The following DSP variants were observed in gnomAD, a reference collection of about 807,000 sequenced individuals.
DSP encodes 250/210 kDa paraneoplastic pemphigus antigen.
In DSP, 114 loss-of-function variants were observed where a neutral mutation model predicts 290.6. That is an observed-to-expected ratio of 0.39 (90% CI 0.34 to 0.46). The LOEUF (loss-of-function observed/expected upper bound fraction) is 0.46, where lower values mean the gene tolerates loss of function less well. Among genes scored for constraint, DSP ranks in the 20% least tolerant of loss-of-function variants. The pLI is 0.99. For synonymous variants in DSP, 1,311 were observed against 1,316.4 expected, an observed-to-expected ratio of 1.00 and a Z score of 0.09; for missense variants, 3,230 against 3,495.8, an observed-to-expected ratio of 0.92 and a Z score of 1.92.
chr6:7,547,993 G>C (rs1168774433), intron 1 of DSP, among the ~76,000 whole-genome samples: 13 of 152,090 alleles, frequency 8.5e-5, no homozygotes, highest in Non-Finnish European at 1.5e-5. Flanking sequence ...ATTTCTGCCG[G>C]GCGCGGTGGC....
chr6:7,581,586 G>T lies in DSP; in HGVS notation c.5379+17G>T, dbSNP rs1581819297. The T allele has an allele frequency of 1.2e-6, 2 of 1,611,108 alleles. No homozygotes were observed. The highest frequency in any genetic ancestry group is 2.2e-5 in the South Asian group (2 of 90,876). ...GCTTTAGAGGTATTCACAAATACTT[G>T]ATCACAGCTTCACTGTTTCTCAAAT... On this transcript the variant is annotated intron_variant, in intron 23 of 23. Coordinates refer to ENST00000379802, the MANE Select transcript of DSP (RefSeq NM_004415.4).
In DSP at chr6:7,569,185, G is replaced by T. The variant is rs1060500609; in HGVS notation, c.1420-1G>T. 6.2e-7 allele frequency: 1 copy of T among 1,614,188 alleles called. No individual in the cohort carries two copies. ...AAACCCTGGGGTTGCTTGCCTTACA[G>T]AAAATCGTGCATAAGGGGGATGAGT... On this transcript the variant is annotated splice_acceptor_variant, in intron 11 of 23. Transcript: ENST00000379802. LOFTEE classifies it high-confidence loss of function.
In DSP at chr6:7,555,592, G is replaced by A. The variant is rs541101158; in HGVS notation, c.171-126G>A. On this transcript the variant is annotated intron_variant, in intron 1 of 23. Coordinates refer to ENST00000379802, the MANE Select transcript of DSP (RefSeq NM_004415.4). ...AAACACAACAAAATGTTAACAATTG[G>A]GATTCCGGGTAAAGGGTCTCACAGG... 31 of 749,818 alleles carry A rather than the reference G, an allele frequency of 4.1e-5. No homozygotes were observed. In the African/African-American group the frequency reaches 4.8e-4, roughly 12 times the overall value. The allele number at this position is 749,818 out of a possible 1,614,324, so 46.4% of individuals were successfully genotyped here. A position where few individuals can be genotyped will look rare whatever the true frequency, so the allele number is the denominator to read the frequency against.
intron 12 of DSP, 33 bp from the exon 13 acceptor site, chr6:7,570,404 G>C (rs777674209): frequency 2.5e-6 from 4 of 1,614,034 alleles, no homozygotes; most frequent in Non-Finnish European, 3.4e-6. Flanking sequence ...GTGAAAGCCT[G>C]GCTCTAGCAT....
In DSP at chr6:7,565,112, C is replaced by T. The variant is rs1758818614; in HGVS notation, c.778-247C>T. 6.6e-6 allele frequency among the ~76,000 whole-genome samples: 1 copy of T among 152,078 alleles called. No homozygotes were observed. Among genetic ancestry groups the T allele is most frequent in the South Asian group, 2.1e-4 (1 of 4,822 alleles). On this transcript the variant is annotated intron_variant, in intron 6 of 23. Coordinates refer to ENST00000379802, the MANE Select transcript of DSP (RefSeq NM_004415.4). This position sits in a 1 kb window ranked among gnomAD's most constrained non-coding sequence, Gnocchi z 4.2. ...TGAACCGAGATCGCTCATGCCACTGCACTCCAGCCTGGGAGACGAGAGCGA... is the reference window on the plus strand; with the variant it reads ...TGAACCGAGATCGCTCATGCCACTGTACTCCAGCCTGGGAGACGAGAGCGA...
intron 16 of DSP, 138 bp from the exon 17 acceptor site, chr6:7,574,519 A>T: frequency 7.7e-7 from 1 of 1,294,966 alleles, no homozygotes; most frequent in Non-Finnish European, 1.1e-6. Context: ...GGTCTGAATC[A>T]CAATAGACCA....
chr6:7,544,718 T>C lies in DSP; in HGVS notation c.170+2633T>C, dbSNP rs544886841. Among the ~76,000 whole-genome samples the C allele has an allele frequency of 1.6e-4, 25 of 152,316 alleles. No homozygotes were observed. In the South Asian group the frequency reaches 5.0e-3, roughly 30 times the overall value. The stretch of plus-strand genomic sequence containing the variant: ...TTTAAAACATCTCTCTCTCTCTCTG[T>C]CCTTTCCACGAACAGCACTTACCCG... On this transcript the variant is annotated intron_variant, in intron 1 of 23. Transcript: ENST00000379802.
Position 7,584,824 on chromosome 6 carries a change from A to G in DSP, c.7562A>G (p.Asp2521Gly), listed in dbSNP as rs758490440. The G allele has an allele frequency of 2.5e-6, 4 of 1,614,232 alleles. No individual in the cohort carries two copies. In the South Asian group the frequency reaches 3.3e-5, roughly 13 times the overall value. Residue 2521 changes from aspartate (D) to glycine (G), a missense_variant, in exon 24 of 24, where the codon GAT becomes GGT. By Grantham distance (94) the Asp-to-Gly change is moderately conservative. Coordinates refer to ENST00000379802, the MANE Select transcript of DSP (RefSeq NM_004415.4). This position sits in a 1 kb window ranked among gnomAD's most constrained non-coding sequence, Gnocchi z 6.4. ...GGCTCCACCAGGGTGGTCCTGGTAG[A>G]TAGAAAGACAGGCAGTCAGTATGAT... ...SDGSTRVVLV[D>G]RKTGSQYDIQ... is the part of the protein sequence containing the mutation.
At position 7,575,477 on chromosome 6, in the gene DSP, G is replaced by A. The variant is rs1195561524; in HGVS notation, c.2619G>A (p.Gln873=). 6 of 1,614,032 alleles carry A rather than the reference G, an allele frequency of 3.7e-6. No homozygotes were observed. Among genetic ancestry groups the A allele is most frequent in the Non-Finnish European group, 5.1e-6 (6 of 1,180,024 alleles). ...LTDRWQRIDK[Q]IDFRLWDLEK... ...ACCGCTGGCAAAGGATAGATAAACA[G>A]ATCGACTTTAGGTATGCCAGCCTCC... The change falls in exon 18 of 24, where the codon CAG becomes CAA. Residue 873 remains glutamine (Q), a synonymous_variant. Coordinates refer to ENST00000379802, the MANE Select transcript of DSP (RefSeq NM_004415.4).
intron 12 of DSP, among the ~76,000 whole-genome samples, chr6:7,569,971 C>T (rs181871325): frequency 1.3e-5 from 2 of 152,268 alleles, no homozygotes; most frequent in East Asian, 1.9e-4. Flanking sequence ...ATATAAAATG[C>T]CTTTAATATC....
intron 1 of DSP, among the ~76,000 whole-genome samples, chr6:7,542,392 A>C (rs1032840437): frequency 6.6e-6 from 1 of 152,050 alleles, no homozygotes; most frequent in African/African-American, 2.4e-5. Context: ...ACACGGCTGC[A>C]GCCGCCTTTG....
In DSP at chr6:7,585,757, G is replaced by C. The variant is rs397516970; in HGVS notation, c.8495G>C (p.Gly2832Ala). 1.2e-6 allele frequency: 2 copies of C among 1,608,130 alleles called. No individual in the cohort carries two copies. Among genetic ancestry groups the C allele is most frequent in the Non-Finnish European group, 1.7e-6 (2 of 1,176,478 alleles). Reference sequence around the variant, plus strand: ...GGGTCCCGCTCCGGCTCCCGCTCGGGATCTCGCTCCGGATCTCGCTCCGGG... The same window carrying C: ...GGGTCCCGCTCCGGCTCCCGCTCGGCATCTCGCTCCGGATCTCGCTCCGGG... ...APGSRSGSRS[G>A]SRSGSRSGSR... The change falls in exon 24 of 24, where the codon GGA becomes GCA. Residue 2832 changes from glycine to alanine, a missense_variant. Physicochemically the swap from Gly to Ala is moderately conservative, Grantham distance 60. Around this residue, in one of 5 missense-constraint regions of DSP, gnomAD observed 582 missense variants for 555.4 expected, o/e 1.05. Coordinates refer to ENST00000379802, the MANE Select transcript of DSP (RefSeq NM_004415.4).
rs1394783630 is a variant in DSP, at chr6:7,585,790, G to T, written c.8528G>T (p.Ser2843Ile). The change falls in exon 24 of 24, where the codon AGT becomes ATT. Residue 2843 changes from serine to isoleucine, a missense_variant. Transcript: ENST00000379802. ...SRSGSRSGSR[S>I]GSRRGSFDAT... ...TCCGGATCTCGCTCCGGGTCCCGCA[G>T]TGGGTCCCGGAGAGGAAGCTTTGAC... 3.7e-6 allele frequency: 6 copies of T among 1,609,380 alleles called. No individual in the cohort carries two copies. Among genetic ancestry groups the T allele is most frequent in the African/African-American group, 1.3e-5 (1 of 74,516 alleles).
At position 7,565,148 on chromosome 6, in the gene DSP, C is replaced by CA. The variant is rs879917523; in HGVS notation, c.778-199dup. Among the ~76,000 whole-genome samples the CA allele has an allele frequency of 1.9e-3, 271 of 143,404 alleles. 1 individual carries two copies. The highest frequency in any genetic ancestry group is 5.3e-3 in the African/African-American group (209 of 39,260). The allele number at this position is 143,404 out of a possible 152,430, so 94.1% of individuals were successfully genotyped here. On this transcript the variant is annotated intron_variant, in intron 6 of 23. Coordinates refer to ENST00000379802, the MANE Select transcript of DSP (RefSeq NM_004415.4). The surrounding 1 kb of genome is among the most constrained non-coding windows in gnomAD (Gnocchi z 4.2). The stretch of plus-strand genomic sequence containing the variant: ...GGGAGACGAGAGCGACAGTCCGTCT[C>CA]AAAAAAAAAAAAGTTGCTGCCTTCT...
In DSP at chr6:7,580,682, A is replaced by G. The variant is rs794728122; in HGVS notation, c.4492A>G (p.Lys1498Glu). 3.0e-5 allele frequency: 49 copies of G among 1,613,966 alleles called. No homozygotes were observed. The highest frequency in any genetic ancestry group is 4.1e-5 in the Non-Finnish European group (48 of 1,180,044). Reference protein sequence around the residue: ...QLIDKETNDRKCLEDENARLQ... With the variant: ...QLIDKETNDRECLEDENARLQ... Reference sequence around the variant, plus strand: ...GATCGACAAAGAAACAAATGACCGGAAATGCCTGGAAGATGAAAACGCGAG... The same window carrying G: ...GATCGACAAAGAAACAAATGACCGGGAATGCCTGGAAGATGAAAACGCGAG... Residue 1498 changes from lysine to glutamate, a missense_variant, in exon 23 of 24, where the codon AAA becomes GAA. Coordinates refer to ENST00000379802, the MANE Select transcript of DSP (RefSeq NM_004415.4). This position sits in a 1 kb window ranked among gnomAD's most constrained non-coding sequence, Gnocchi z 4.2.
At chr6:7,554,396 T>C (rs893933699) in intron 1 of DSP, among the ~76,000 whole-genome samples, 3 of 152,194 alleles carry the variant, frequency 2.0e-5, no homozygotes, top group African/African-American at 7.2e-5. Context: ...ATACAGACCA[T>C]CTGCAACATT....
At position 7,585,425 on chromosome 6, in the gene DSP, G is replaced by T. The variant is rs780384342; in HGVS notation, c.8163G>T (p.Glu2721Asp). 1.2e-6 allele frequency: 2 copies of T among 1,614,166 alleles called. No homozygotes were observed. The highest frequency in any genetic ancestry group is 1.1e-5 in the South Asian group (1 of 91,074). Residue 2721 changes from glutamate (E) to aspartate (D), a missense_variant, in exon 24 of 24, where the codon GAG (glutamate) becomes GAT (aspartate). Coordinates refer to ENST00000379802, the MANE Select transcript of DSP (RefSeq NM_004415.4). ...EAVKEKWLPY[E>D]AGQRFLEFQY... ...TGAAAGAAAAATGGCTCCCGTATGAGGCTGGCCAGCGCTTCCTGGAGTTCC... is the reference window on the plus strand; with the variant it reads ...TGAAAGAAAAATGGCTCCCGTATGATGCTGGCCAGCGCTTCCTGGAGTTCC...
chr6:7,544,684 G>A (rs1758120340), intron 1 of DSP, among the ~76,000 whole-genome samples: 1 of 151,942 alleles, frequency 6.6e-6, no homozygotes, highest in Non-Finnish European at 1.5e-5. Context: ...GTTTTCCTTT[G>A]AAAATGACTT....
rs730880360 is a variant in DSP at position 7,565,529 on chromosome 6, A to AC, written c.939+13dup. 21 of 1,613,530 alleles carry AC rather than the reference A, an allele frequency of 1.3e-5. No individual in the cohort carries two copies. The East Asian group carries it at 4.2e-4, about 33-fold the overall frequency. ...AACAGGAGGCCTTCTCCGTAAGTTC[A>AC]CCCCACGCGGCTGTAGATGCTTGTC... On this transcript the variant is annotated intron_variant, in intron 7 of 23. Coordinates refer to ENST00000379802, the MANE Select transcript of DSP (RefSeq NM_004415.4). This position sits in a 1 kb window ranked among gnomAD's most constrained non-coding sequence, Gnocchi z 4.2.
Sources: gnomAD v4.1 joint callset for allele counts (sites outside exome capture counted in the v4.1 genomes callset) on GRCh38, gnomAD v4.1.1 for gene constraint, gnomAD v4.1.1 regional missense constraint, Gnocchi (gnomAD v3.1) non-coding constraint, MANE v1.5 for transcripts, NCBI Gene and HGNC (gene_info 2026-07-23, HGNC 2026-07-21) for gene names.